CSMD1: variants seen among roughly 807,000 people sequenced by gnomAD.
CSMD1 encodes the protein CUB and Sushi multiple domains 1.
Under a neutral mutation model 417.5 loss-of-function variants are expected in CSMD1, and 213 were observed. That is an observed-to-expected ratio of 0.51 (90% confidence interval 0.46 to 0.57). CSMD1 has a LOEUF of 0.57. Ranked by LOEUF, CSMD1 falls within the 20% of genes least tolerant of loss-of-function variation. The pLI, the probability that CSMD1 is intolerant of heterozygous loss-of-function variation, is 0.00. For missense variants in CSMD1, 6,923 were observed against 4,529.7 expected, an observed-to-expected ratio of 1.53 and a Z score of -15.17; for synonymous variants, 2,862 against 1,736.8, an observed-to-expected ratio of 1.65 and a Z score of -16.11.
chr8:3,308,448 G>A lies in CSMD1; in HGVS notation c.3687C>T (p.Ile1229=), dbSNP rs1002865203. The A allele has an allele frequency of 3.7e-6, 6 of 1,613,650 alleles. No homozygotes were observed. The highest frequency in any genetic ancestry group is 5.1e-6 in the Non-Finnish European group (6 of 1,179,794). Residue 1229 remains isoleucine (I), a synonymous_variant, in exon 24 of 70, where the codon ATC becomes ATT. Transcript: ENST00000635120. Reference sequence around the variant, plus strand: ...TGTCGGTAAAGTGGCCTTCATCACGGATCCTATAGCCGTAGTTAGGGATGC... The same window carrying A: ...TGTCGGTAAAGTGGCCTTCATCACGAATCCTATAGCCGTAGTTAGGGATGC... ...DPGIPNYGYR[I]RDEGHFTDTV...
chr8:3,859,821 C>A (rs188325254), intron 5 of CSMD1, among the ~76,000 whole-genome samples: 2 of 152,270 alleles, frequency 1.3e-5, no homozygotes, highest in Non-Finnish European at 2.9e-5. Flanking sequence ...AGGGAACAGG[C>A]AGGAGAAGCT....
At chr8:4,972,800 G>T (rs972787913) in intron 1 of CSMD1, among the ~76,000 whole-genome samples, 1 of 151,838 alleles carries the variant, frequency 6.6e-6, no homozygotes, top group Non-Finnish European at 1.5e-5. Context: ...GGAGCTAGGT[G>T]TTGTCTTGTT....
chr8:4,253,561 T>C (rs574692663), intron 3 of CSMD1, among the ~76,000 whole-genome samples: 4 of 152,178 alleles, frequency 2.6e-5, no homozygotes, highest in Non-Finnish European at 5.9e-5. Context: ...TGGAGAACAT[T>C]TGATCTGGTA....
intron 5 of CSMD1, among the ~76,000 whole-genome samples, chr8:3,868,098 T>C (rs1038012400): frequency 1.3e-5 from 2 of 152,142 alleles, no homozygotes; most frequent in African/African-American, 4.8e-5. Flanking sequence ...ATTCCTTGCA[T>C]GCACAGTATT....
At chr8:4,225,213 C>G (rs145856170) in intron 3 of CSMD1, among the ~76,000 whole-genome samples, 5 of 152,168 alleles carry the variant, frequency 3.3e-5, no homozygotes, top group Non-Finnish European at 7.4e-5. Context: ...CCTCCATAAA[C>G]CAGAGACGGC....
At chr8:4,683,168 A>C (rs1806154036) in intron 1 of CSMD1, among the ~76,000 whole-genome samples, 1 of 151,878 alleles carries the variant, frequency 6.6e-6, no homozygotes, top group Non-Finnish European at 1.5e-5. Flanking sequence ...ATGTTTTTAC[A>C]AATTTTACTT....
At chr8:3,452,008 G>A (rs74645534) in intron 12 of CSMD1, among the ~76,000 whole-genome samples, 143 of 152,002 alleles carry the variant, frequency 9.4e-4, no homozygotes, top group African/African-American at 3.1e-3. Context: ...GTGGTTTGTA[G>A]TTCTCCTCGA....
intron 1 of CSMD1, chr8:4,787,398 G>A: frequency 4.1e-6 from 3 of 739,966 alleles, no homozygotes. Flanking sequence ...AGAAGTCTAC[G>A]AAAAGTCCTC....
chr8:4,962,128 T>G (rs984859482), intron 1 of CSMD1, among the ~76,000 whole-genome samples: 1 of 151,628 alleles, frequency 6.6e-6, no homozygotes, highest in Non-Finnish European at 1.5e-5. Flanking sequence ...TTTTTTTGTA[T>G]TGGAGGCTTT....
intron 3 of CSMD1, among the ~76,000 whole-genome samples, chr8:4,390,717 G>C (rs1803793619): frequency 6.6e-6 from 1 of 151,632 alleles, no homozygotes; most frequent in South Asian, 2.1e-4. Flanking sequence ...GTTTCACCAT[G>C]TTAGCCAGGA....
chr8:4,399,130 T>C (rs893740401), intron 3 of CSMD1, among the ~76,000 whole-genome samples: 2 of 152,172 alleles, frequency 1.3e-5, no homozygotes, highest in African/African-American at 2.4e-5. Context: ...GTGTTTAAAA[T>C]GGGAATAATG....
chr8:4,083,990 T>G (rs1800284624), intron 3 of CSMD1, among the ~76,000 whole-genome samples: 1 of 151,946 alleles, frequency 6.6e-6, no homozygotes, highest in Admixed American at 6.6e-5. Context: ...CTCAAACAAA[T>G]TTACAAGAAA....
At chr8:3,933,781 A>G (rs1243863533) in intron 5 of CSMD1, among the ~76,000 whole-genome samples, 1 of 152,192 alleles carries the variant, frequency 6.6e-6, no homozygotes, top group Non-Finnish European at 1.5e-5. Context: ...TTTTCCTGCT[A>G]TATTTATTTT....
chr8:3,755,175 T>C (rs1021099721), intron 5 of CSMD1, among the ~76,000 whole-genome samples: 3 of 152,336 alleles, frequency 2.0e-5, no homozygotes, highest in East Asian at 3.9e-4. Flanking sequence ...ATTTAGTTTT[T>C]CAGTGGCATA....
chr8:3,417,402 T>C (rs908882627), intron 12 of CSMD1, among the ~76,000 whole-genome samples: 3 of 152,240 alleles, frequency 2.0e-5, no homozygotes, highest in African/African-American at 7.2e-5. Flanking sequence ...TCTTATTGCC[T>C]GTGTAAGATA....
intron 32 of CSMD1, among the ~76,000 whole-genome samples, chr8:3,200,565 A>AAT (rs764637640): frequency 0.03 from 4,446 of 150,306 alleles, 118 homozygotes; most frequent in Non-Finnish European, 0.043. Context: ...TCTCAAAAAA[A>AAT]AATAATAATA....
rs541311512 is a variant in CSMD1, at chr8:4,416,511, C to T, written c.415+3442G>A. Among the ~76,000 whole-genome samples the T allele has an allele frequency of 2.2e-3, 328 of 152,072 alleles. 2 individuals are homozygous for T. Among genetic ancestry groups the T allele is most frequent in the African/African-American group, 7.6e-3 (316 of 41,516 alleles). ...TAGACTTTAGAACCAAAATAATGAA[C>T]ATTTTGAGTCTAAGAGTTTTGATAA... On this transcript the variant is annotated intron_variant, in intron 3 of 69. Transcript: ENST00000635120.
intron 1 of CSMD1, among the ~76,000 whole-genome samples, chr8:4,888,397 A>G (rs1393457899): frequency 1.3e-5 from 2 of 151,818 alleles, no homozygotes; most frequent in Non-Finnish European, 2.9e-5. Flanking sequence ...ATATTTTCTT[A>G]TTTCCCATTC....
intron 40 of CSMD1, among the ~76,000 whole-genome samples, chr8:3,150,418 C>T (rs1819123791): frequency 6.6e-6 from 1 of 152,220 alleles, no homozygotes; most frequent in African/African-American, 2.4e-5. Context: ...GTCGGGCCGT[C>T]ATTCCGACTG....
Sources: allele counts gnomAD v4.1 joint callset (sites outside exome capture counted in the v4.1 genomes callset), GRCh38; gene constraint gnomAD v4.1.1; transcripts MANE v1.5; gene names NCBI Gene and HGNC (gene_info 2026-07-23, HGNC 2026-07-21).